Variants in GPR158 observed in about 807,000 individuals in gnomAD.
The protein encoded by GPR158 is metabotropic glycine receptor.
GPR158 carries 30 observed loss-of-function variants against 78.2 expected under a neutral mutation model. The ratio of observed to expected loss-of-function variants is 0.38; its 90% CI spans 0.29 to 0.52. The LOEUF is 0.52. Among genes scored for constraint, GPR158 ranks in the 20% least tolerant of loss-of-function variants. GPR158 has a pLI of 0.83. For synonymous variants in GPR158, 581 were observed against 591.1 expected (o/e 0.98, Z 0.25); for missense variants, 1,463 against 1,523.5 (o/e 0.96, Z 0.66).
chr10:25,376,050 T>C (rs1834074902), intron 2 of GPR158, among the ~76,000 whole-genome samples: 1 of 151,636 alleles, frequency 6.6e-6, no homozygotes, highest in Non-Finnish European at 1.5e-5. Context: ...GGTCTTTGAT[T>C]TCTTTAGCAG....
intron 3 of GPR158, among the ~76,000 whole-genome samples, chr10:25,411,920 C>T (rs966756485): frequency 8.7e-5 from 9 of 103,384 alleles, no homozygotes; most frequent in South Asian, 3.4e-4. Context: ...GGCGACAGAG[C>T]GAGACTCTAT....
chr10:25,503,801 ATTTC>A (rs1056934186), intron 5 of GPR158, among the ~76,000 whole-genome samples: 4 of 150,040 alleles, frequency 2.7e-5, no homozygotes, highest in Admixed American at 2.0e-4. Context: ...TTTGCATGCT[ATTTC>A]TTTCTTTAGT....
At chr10:25,238,760 C>T (rs961532523) in intron 2 of GPR158, among the ~76,000 whole-genome samples, 9 of 152,284 alleles carry the variant, frequency 5.9e-5, no homozygotes, top group Non-Finnish European at 7.3e-5. Context: ...GCCAATCCAG[C>T]GGATCTTCCA....
intron 2 of GPR158, among the ~76,000 whole-genome samples, chr10:25,338,457 ATAT>A (rs931082497): frequency 1.5e-5 from 2 of 136,504 alleles, no homozygotes; most frequent in African/African-American, 6.1e-5. Flanking sequence ...CGTAATATAT[ATAT>A]TACGTATATT....
chr10:25,300,141 T>C (rs1854571699), intron 2 of GPR158, among the ~76,000 whole-genome samples: 1 of 152,220 alleles, frequency 6.6e-6, no homozygotes, highest in Admixed American at 6.5e-5. Context: ...CTTACACTTC[T>C]GTAGATTACA....
chr10:25,340,404 C>A (rs1173837776), intron 2 of GPR158, among the ~76,000 whole-genome samples: 3 of 151,984 alleles, frequency 2.0e-5, no homozygotes, highest in African/African-American at 7.2e-5. Context: ...AATAAATATT[C>A]CTGTACTCTA....
In GPR158 at chr10:25,241,160, TCTTTCTTTCTTTCTTTCTTTCTTTCTTTC is replaced by T. The variant is rs1564399307; in HGVS notation, c.1008+20017_1008+20045del. ...TTCTTTCTTTCTTTCTTTCTTTCTT[TCTTTCTTTCTTTCTTTCTTTCTTTCTTTC>T]CTTTCTTTCTTTCCTTTCTTTCCTT... On this transcript the variant is annotated intron_variant, in intron 2 of 10. Transcript: ENST00000376351. Among the ~76,000 whole-genome samples the T allele has an allele frequency of 5.6e-4, 70 of 124,202 alleles. 1 individual carries two copies. The highest frequency in any genetic ancestry group is 2.4e-3 in the African/African-American group (63 of 25,932). 81.5% of individuals were successfully genotyped at this position (124,202 alleles called of 152,430 possible).
intron 2 of GPR158, among the ~76,000 whole-genome samples, chr10:25,292,463 A>G (rs1240783065): frequency 6.6e-6 from 1 of 151,980 alleles, no homozygotes. Flanking sequence ...TGAGTAGACA[A>G]TTCAAAGCAT....
chr10:25,559,232 A>C (rs1836829843), intron 6 of GPR158, among the ~76,000 whole-genome samples: 2 of 152,160 alleles, frequency 1.3e-5, no homozygotes, highest in African/African-American at 4.8e-5. Flanking sequence ...CTCTGCTCTG[A>C]AATCTATTTT....
intron 5 of GPR158, among the ~76,000 whole-genome samples, chr10:25,496,105 G>C (rs548272112): frequency 1.3e-5 from 2 of 152,216 alleles, no homozygotes; most frequent in African/African-American, 2.4e-5. Flanking sequence ...AGGATTTAAG[G>C]CTAATTCAGT....
chr10:25,226,613 G>A (rs776965275), intron 2 of GPR158, among the ~76,000 whole-genome samples: 1 of 152,104 alleles, frequency 6.6e-6, no homozygotes, highest in African/African-American at 2.4e-5. Context: ...AATCACTGTG[G>A]ATATTTACAT....
chr10:25,253,814 A>G (rs1853850325), intron 2 of GPR158, among the ~76,000 whole-genome samples: 1 of 152,172 alleles, frequency 6.6e-6, no homozygotes, highest in Non-Finnish European at 1.5e-5. Flanking sequence ...TTCGAAGAAA[A>G]TTATAAAATT....
chr10:25,474,641 G>T (rs1835556049), intron 5 of GPR158, among the ~76,000 whole-genome samples: 2 of 152,176 alleles, frequency 1.3e-5, no homozygotes, highest in South Asian at 4.1e-4. Flanking sequence ...CTCTTGCACA[G>T]ATATTAAATT....
chr10:25,408,580 T>A (rs1439696763), intron 3 of GPR158, among the ~76,000 whole-genome samples: 1 of 152,222 alleles, frequency 6.6e-6, no homozygotes, highest in Non-Finnish European at 1.5e-5. Context: ...TTGACACCTT[T>A]ATCTTACTCA....
In GPR158 at chr10:25,316,199, A is replaced by G. The variant is rs79533336; in HGVS notation, c.1009-79712A>G. Among the ~76,000 whole-genome samples, 240 of 152,240 alleles carry G rather than the reference A, an allele frequency of 1.6e-3. 7 individuals are homozygous for G. In the East Asian group the frequency reaches 0.041, roughly 26 times the overall value. On this transcript the variant is annotated intron_variant, in intron 2 of 10. Coordinates refer to ENST00000376351, the MANE Select transcript of GPR158 (RefSeq NM_020752.3). ...TAAACCCTAATAATTCCAATAGGAT[A>G]TGTTTCACAGTTGATCATTGAAGAT...
rs118085465 is a variant in GPR158 at position 25,537,995 on chromosome 10, T to C, written c.1405-12981T>C. Among the ~76,000 whole-genome samples the C allele has an allele frequency of 3.1e-4, 47 of 152,284 alleles. No individual in the cohort carries two copies. The East Asian group carries it at 4.4e-3, about 14-fold the overall frequency. ...CCCAATTTCAGGTATTTCTTTATAGTGGTGCAAGAACAGACTAATACACTG... is the reference window on the plus strand; with the variant it reads ...CCCAATTTCAGGTATTTCTTTATAGCGGTGCAAGAACAGACTAATACACTG... On this transcript the variant is annotated intron_variant, in intron 5 of 10. Coordinates refer to ENST00000376351, the MANE Select transcript of GPR158 (RefSeq NM_020752.3).
At chr10:25,509,315 G>T (rs1222673079) in intron 5 of GPR158, among the ~76,000 whole-genome samples, 1 of 152,152 alleles carries the variant, frequency 6.6e-6, no homozygotes, top group East Asian at 1.9e-4. Flanking sequence ...TGGACTTCGT[G>T]CGCAGGGTTG....
At chr10:25,548,232 CATTTA>C (rs1211158051) in intron 5 of GPR158, among the ~76,000 whole-genome samples, 8 of 152,088 alleles carry the variant, frequency 5.3e-5, no homozygotes, top group Non-Finnish European at 1.2e-4. Flanking sequence ...TTCAATTTTA[CATTTA>C]ATTTAGAGAG....
At chr10:25,434,787 G>A (rs1220984472) in intron 4 of GPR158, among the ~76,000 whole-genome samples, 1 of 152,110 alleles carries the variant, frequency 6.6e-6, no homozygotes. Context: ...CTTCTTTTAT[G>A]TCAGTGTTCT....
Sources: allele counts gnomAD v4.1 joint callset (sites outside exome capture counted in the v4.1 genomes callset), GRCh38; gene constraint gnomAD v4.1.1; transcripts MANE v1.5; gene names NCBI Gene and HGNC (gene_info 2026-07-23, HGNC 2026-07-21).